SIK3: variants seen among roughly 807,000 people sequenced by gnomAD.
SIK3 encodes the protein SIK family kinase 3.
In SIK3, 28 loss-of-function variants were observed where a neutral mutation model predicts 144.2. The ratio of observed to expected loss-of-function variants is 0.19; its 90% confidence interval spans 0.14 to 0.27. The LOEUF is 0.27. Ranked by LOEUF, SIK3 falls within the 10% of genes least tolerant of loss-of-function variation. The pLI is 1.00. For synonymous variants in SIK3, 686 were observed against 676.3 expected (o/e 1.01, Z -0.22); for missense variants, 1,319 against 1,776.0 (o/e 0.74, Z 4.62).
intron 1 of SIK3, among the ~76,000 whole-genome samples, chr11:117,026,857 G>A (rs901512733): frequency 2.6e-5 from 4 of 152,052 alleles, no homozygotes; most frequent in Non-Finnish European, 4.4e-5. Flanking sequence ...AAAGGGCAAG[G>A]CAAAAACAGT....
At chr11:117,012,289 G>A (rs1054672445) in intron 1 of SIK3, among the ~76,000 whole-genome samples, 17 of 152,024 alleles carry the variant, frequency 1.1e-4, no homozygotes, top group Non-Finnish European at 2.9e-5. Flanking sequence ...ATACTTTTTA[G>A]AAAAGTTTTT....
At chr11:116,946,988 G>A (rs1399799361) in intron 3 of SIK3, among the ~76,000 whole-genome samples, 4 of 151,012 alleles carry the variant, frequency 2.6e-5, no homozygotes, top group Non-Finnish European at 4.4e-5. Flanking sequence ...AGTGGCGAGT[G>A]CCTGTAGTCC....
At chr11:116,947,309 G>A (rs1050355272) in intron 3 of SIK3, among the ~76,000 whole-genome samples, 2 of 141,118 alleles carry the variant, frequency 1.4e-5, no homozygotes, top group Non-Finnish European at 3.0e-5. Flanking sequence ...ATGTCAACAT[G>A]TTCTAGCAGT....
At chr11:116,863,884 C>G in intron 15 of SIK3, 66 bp from the exon 16 acceptor site, 1 of 1,468,268 alleles carries the variant, frequency 6.8e-7, no homozygotes, top group Non-Finnish European at 9.2e-7. Flanking sequence ...CACACAGGGA[C>G]TGCTGTTCCA....
rs187081090 is a variant in SIK3, at chr11:117,026,579, A to G, written c.274-69515T>C. On this transcript the variant is annotated intron_variant, in intron 1 of 24. Coordinates refer to ENST00000445177, the MANE Select transcript of SIK3 (RefSeq NM_001366686.3). ...GCATGTACATATTGATCAGAACCCA[A>G]CTATGATTTTTAACAATTAAAAATG... 1.8e-4 allele frequency among the ~76,000 whole-genome samples: 27 copies of G among 152,316 alleles called. No homozygotes were observed. In the East Asian group the frequency reaches 4.8e-3, roughly 27 times the overall value.
At chr11:116,886,355 C>T (rs1944818687) in intron 6 of SIK3, among the ~76,000 whole-genome samples, 1 of 152,226 alleles carries the variant, frequency 6.6e-6, no homozygotes, top group African/African-American at 2.4e-5. Context: ...AATTTAATCC[C>T]TTGCCCCATT....
chr11:116,895,972 T>C (rs973381126), intron 6 of SIK3, among the ~76,000 whole-genome samples: 1 of 152,212 alleles, frequency 6.6e-6, no homozygotes, highest in Non-Finnish European at 1.5e-5. Context: ...ATCCTTACAG[T>C]AATAGCAGCC....
At chr11:116,935,292 T>G (rs1947854744) in intron 3 of SIK3, among the ~76,000 whole-genome samples, 1 of 151,112 alleles carries the variant, frequency 6.6e-6, no homozygotes, top group African/African-American at 2.4e-5. Context: ...TTATATTGAT[T>G]ATTAATACTT....
At chr11:117,006,556 G>A (rs1001349629) in intron 1 of SIK3, among the ~76,000 whole-genome samples, 2 of 152,084 alleles carry the variant, frequency 1.3e-5, no homozygotes, top group Non-Finnish European at 2.9e-5. Context: ...CCAGCACTTT[G>A]GGAGGCAGAG....
chr11:116,958,770 A>G (rs774743126), intron 1 of SIK3, among the ~76,000 whole-genome samples: 1 of 152,178 alleles, frequency 6.6e-6, no homozygotes, highest in Non-Finnish European at 1.5e-5. Flanking sequence ...CTTGGATAAT[A>G]TAACCCTTGA....
intron 19 of SIK3, among the ~76,000 whole-genome samples, chr11:116,860,617 T>G (rs1334797734): frequency 6.6e-6 from 1 of 152,258 alleles, no homozygotes; most frequent in Non-Finnish European, 1.5e-5. Flanking sequence ...TTAATAATAG[T>G]AAACCTTTAT....
intron 1 of SIK3, among the ~76,000 whole-genome samples, chr11:117,075,546 C>CTT (rs564984679): frequency 3.7e-5 from 5 of 134,118 alleles, no homozygotes; most frequent in Admixed American, 1.5e-4. Flanking sequence ...ATTTTTTTTT[C>CTT]TTTTTTTTTT....
chr11:116,870,725 T>G (rs1419818580), intron 13 of SIK3, among the ~76,000 whole-genome samples: 1 of 152,128 alleles, frequency 6.6e-6, no homozygotes, highest in Non-Finnish European at 1.5e-5. Context: ...TAGTAGAGGA[T>G]AGAGACAAGT....
At chr11:116,905,444 G>A (rs1385781106) in intron 4 of SIK3, among the ~76,000 whole-genome samples, 2 of 152,120 alleles carry the variant, frequency 1.3e-5, no homozygotes, top group East Asian at 3.8e-4. Flanking sequence ...TGGCCATATG[G>A]TTTCATTTCT....
In SIK3 at chr11:117,021,387, G is replaced by A. The variant is rs557433143; in HGVS notation, c.274-64323C>T. Among the ~76,000 whole-genome samples the A allele has an allele frequency of 5.3e-5, 8 of 152,192 alleles. No homozygotes were observed. In the East Asian group the frequency reaches 1.5e-3, roughly 29 times the overall value. On this transcript the variant is annotated intron_variant, in intron 1 of 24. Coordinates refer to ENST00000445177, the MANE Select transcript of SIK3 (RefSeq NM_001366686.3). ...AATTTGCTAAACTGCCTTGGTCAGA[G>A]CACATTGTCAGAACCCCACTCTTTC... is the stretch of plus-strand genomic sequence containing the variant.
At chr11:116,852,611 T>C (rs1942557025) in intron 21 of SIK3, among the ~76,000 whole-genome samples, 1 of 152,260 alleles carries the variant, frequency 6.6e-6, no homozygotes, top group African/African-American at 2.4e-5. Context: ...TACTACACTG[T>C]AAAGGCTCAA....
At position 116,857,816 on chromosome 11, in the gene SIK3, T is replaced by G. The variant is rs774289084; in HGVS notation, c.3649A>C (p.Ser1217Arg). The change falls in exon 21 of 25, where the codon AGC (serine) becomes CGC (arginine). Residue 1217 changes from serine (S) to arginine (R), a missense_variant. Around this residue, in one of 8 missense-constraint regions of SIK3, gnomAD observed 646 missense variants for 763.7 expected, o/e 0.85. Coordinates refer to ENST00000445177, the MANE Select transcript of SIK3 (RefSeq NM_001366686.3). ...ACTGTGAGGAGACACTTACCTCTGC[T>G]GGGCACCTTATTTTTACTGAATGCA... ...TAAFSKNKVP[S>R]REPVIGNCMD... 6.2e-7 allele frequency: 1 copy of G among 1,614,206 alleles called. No homozygotes were observed.
intron 1 of SIK3, among the ~76,000 whole-genome samples, chr11:116,987,932 C>T (rs1950375670): frequency 6.6e-6 from 1 of 152,174 alleles, no homozygotes; most frequent in Admixed American, 6.5e-5. Context: ...GATGGTACAA[C>T]TAGCACTAAC....
chr11:117,020,246 T>TATATATACACAC, intron 1 of SIK3, among the ~76,000 whole-genome samples: 3 of 127,234 alleles, frequency 2.4e-5, no homozygotes, highest in African/African-American at 1.0e-4. Flanking sequence ...CATATATATA[T>TATATATACACAC]ACACATACAT....
Sources: gnomAD v4.1 joint callset for allele counts (sites outside exome capture counted in the v4.1 genomes callset) on GRCh38, gnomAD v4.1.1 for gene constraint, gnomAD v4.1.1 regional missense constraint, MANE v1.5 for transcripts, NCBI Gene and HGNC (gene_info 2026-07-23, HGNC 2026-07-21) for gene names.